Variants in PBX3 observed in about 807,000 individuals in gnomAD.
PBX3 encodes pre-B-cell leukemia transcription factor 3.
PBX3 carries 14 observed loss-of-function variants against 48.5 expected under a neutral mutation model. The ratio of observed to expected loss-of-function variants is 0.29; its 90% CI spans 0.19 to 0.45. The LOEUF is 0.45. Among genes scored for constraint, PBX3 ranks in the 20% least tolerant of loss-of-function variants. The pLI, the probability that PBX3 is intolerant of heterozygous loss-of-function variation, is 1.00. For missense variants in PBX3, 386 were observed against 546.7 expected (o/e 0.71, Z 2.93); for synonymous variants, 210 against 200.3 (o/e 1.05, Z -0.41).
At chr9:125,835,382 C>T (rs781605187) in intron 2 of PBX3, among the ~76,000 whole-genome samples, 13 of 152,032 alleles carry the variant, frequency 8.6e-5, no homozygotes, top group South Asian at 2.1e-4. Flanking sequence ...TACTCTTAAC[C>T]GTTATATTCT....
intron 2 of PBX3, among the ~76,000 whole-genome samples, chr9:125,854,430 G>A (rs1242170505): frequency 6.6e-6 from 1 of 152,052 alleles, no homozygotes; most frequent in Admixed American, 6.6e-5. Flanking sequence ...GCCATCATGC[G>A]CAGCCCTAAT....
At chr9:125,760,093 G>C (rs1433922642) in intron 2 of PBX3, among the ~76,000 whole-genome samples, 1 of 152,140 alleles carries the variant, frequency 6.6e-6, no homozygotes, top group South Asian at 2.1e-4. Context: ...CAACCTATCT[G>C]AGCAGTTTAT....
In PBX3 at chr9:125,965,919, A is replaced by C. The variant is rs746897103; in HGVS notation, c.1301A>C (p.Asn434Thr). 34 of 1,611,542 alleles carry C rather than the reference A, an allele frequency of 2.1e-5. No individual in the cohort carries two copies. The highest frequency in any genetic ancestry group is 2.8e-5 in the Non-Finnish European group (33 of 1,177,824). ...GGAAGTGTGCACTCGGATACCTCTA[A>C]CTAATCTCTGGCCACACTTTTCCCT... ...GPGSVHSDTS[N>T] The change falls in exon 9 of 9, where the codon AAC (asparagine) becomes ACC (threonine). Residue 434 changes from asparagine (N) to threonine (T), a missense_variant. Around this residue, in one of 4 missense-constraint regions of PBX3, gnomAD observed 127 missense variants for 143.3 expected, o/e 0.89. Coordinates refer to ENST00000373489, the MANE Select transcript of PBX3 (RefSeq NM_006195.6).
chr9:125,781,724 TC>T (rs1837323508), intron 2 of PBX3, among the ~76,000 whole-genome samples: 1 of 151,144 alleles, frequency 6.6e-6, no homozygotes, highest in Admixed American at 6.6e-5. Flanking sequence ...TTATTTACTT[TC>T]TTCTGCTAGA....
intron 2 of PBX3, among the ~76,000 whole-genome samples, chr9:125,827,913 A>T (rs531852800): frequency 7.3e-4 from 111 of 152,274 alleles, no homozygotes; most frequent in Non-Finnish European, 1.3e-3. Context: ...TGGTTGTACC[A>T]ATTTATATTG....
intron 2 of PBX3, among the ~76,000 whole-genome samples, chr9:125,870,627 A>C (rs533330457): frequency 6.6e-6 from 1 of 152,310 alleles, no homozygotes; most frequent in East Asian, 1.9e-4. Flanking sequence ...ATTCAAGATG[A>C]GGTTTGGGTG....
intron 2 of PBX3, among the ~76,000 whole-genome samples, chr9:125,902,427 G>T (rs1305179116): frequency 6.6e-6 from 1 of 151,594 alleles, no homozygotes; most frequent in Non-Finnish European, 1.5e-5. Context: ...AGAGTATCCA[G>T]ATTTGACCTG....
Position 125,915,666 on chromosome 9 carries a change from C to T in PBX3, c.275-20C>T. On this transcript the variant is annotated intron_variant, in intron 2 of 8. Transcript: ENST00000373489. ...TTTCTCGCTTCTTCTCTCTCTGTCT[C>T]TCTCTCTCTTTCCTTGAAGGTCTCA... 1 of 1,583,176 alleles carries T rather than the reference C, an allele frequency of 6.3e-7. No homozygotes were observed. The highest frequency in any genetic ancestry group is 1.1e-5 in the South Asian group (1 of 89,170).
intron 2 of PBX3, among the ~76,000 whole-genome samples, chr9:125,852,150 G>A (rs781129522): frequency 6.6e-5 from 10 of 152,266 alleles, no homozygotes; most frequent in Non-Finnish European, 1.3e-4. Flanking sequence ...GGTATTTGGA[G>A]GGCTGCTGCC....
At chr9:125,844,174 A>C (rs149415671) in intron 2 of PBX3, among the ~76,000 whole-genome samples, 320 of 152,074 alleles carry the variant, frequency 2.1e-3, no homozygotes, top group Non-Finnish European at 2.7e-3. Flanking sequence ...GAAGTTTTCT[A>C]TTATAATTTA....
intron 5 of PBX3, among the ~76,000 whole-genome samples, chr9:125,937,647 A>G (rs1461260663): frequency 2.0e-5 from 3 of 152,178 alleles, no homozygotes; most frequent in African/African-American, 7.2e-5. Flanking sequence ...TCTAGGCCTG[A>G]CAGGTCAACT....
At chr9:125,889,080 C>T (rs1364647300) in intron 2 of PBX3, among the ~76,000 whole-genome samples, 1 of 152,174 alleles carries the variant, frequency 6.6e-6, no homozygotes, top group Non-Finnish European at 1.5e-5. Flanking sequence ...ATAAAATGGC[C>T]TTAACGTAAT....
chr9:125,797,184 A>G (rs1837809456), intron 2 of PBX3, among the ~76,000 whole-genome samples: 1 of 152,178 alleles, frequency 6.6e-6, no homozygotes, highest in Non-Finnish European at 1.5e-5. Flanking sequence ...ATGTTTTGAA[A>G]TGAAATAATC....
At chr9:125,907,889 T>C (rs1045383141) in intron 2 of PBX3, among the ~76,000 whole-genome samples, 2 of 152,122 alleles carry the variant, frequency 1.3e-5, no homozygotes, top group Admixed American at 1.3e-4. Flanking sequence ...TGTTTGAAAT[T>C]TGGTTTTCTC....
intron 2 of PBX3, among the ~76,000 whole-genome samples, chr9:125,870,837 A>G (rs977650341): frequency 6.6e-6 from 1 of 152,216 alleles, no homozygotes; most frequent in Non-Finnish European, 1.5e-5. Context: ...GACATTGTTT[A>G]TATACCAAAT....
At chr9:125,786,727 A>ATTTTTT (rs34887904) in intron 2 of PBX3, among the ~76,000 whole-genome samples, 2 of 143,824 alleles carry the variant, frequency 1.4e-5, no homozygotes, top group Non-Finnish European at 1.5e-5. Context: ...GTATGTAGAG[A>ATTTTTT]TTTTTTTTTT....
chr9:125,891,687 T>C (rs1564159181), intron 2 of PBX3, among the ~76,000 whole-genome samples: 4 of 152,338 alleles, frequency 2.6e-5, no homozygotes, highest in South Asian at 2.1e-4. Context: ...GTTAAAAACA[T>C]ATACCAAATT....
intron 2 of PBX3, among the ~76,000 whole-genome samples, chr9:125,751,058 C>T (rs570852967): frequency 2.6e-5 from 4 of 152,234 alleles, no homozygotes; most frequent in African/African-American, 9.6e-5. Flanking sequence ...GAAACATGAA[C>T]TTATAAAAGA....
At chr9:125,896,798 G>A (rs1840779429) in intron 2 of PBX3, among the ~76,000 whole-genome samples, 1 of 151,838 alleles carries the variant, frequency 6.6e-6, no homozygotes, top group African/African-American at 2.4e-5. Context: ...GGTAGAGGAG[G>A]TCTCCATTAG....
Sources: gnomAD v4.1 joint callset for allele counts (sites outside exome capture counted in the v4.1 genomes callset) on GRCh38, gnomAD v4.1.1 for gene constraint, gnomAD v4.1.1 regional missense constraint, MANE v1.5 for transcripts, NCBI Gene and HGNC (gene_info 2026-07-23, HGNC 2026-07-21) for gene names.